ALDH3A2: variants seen among roughly 807,000 people sequenced by gnomAD.
ALDH3A2 encodes aldehyde dehydrogenase family 3 member A2.
A neutral mutation model predicts 51.3 loss-of-function variants in ALDH3A2; 36 were observed. The observed-to-expected ratio is 0.70, with a 90% CI of 0.54 to 0.93. The LOEUF (loss-of-function observed/expected upper bound fraction) is 0.93, where lower values mean the gene tolerates loss of function less well. ALDH3A2 is among the 40% of genes least tolerant of loss of function. The pLI, the probability that ALDH3A2 is intolerant of heterozygous loss-of-function variation, is 0.00. For missense variants in ALDH3A2, 552 were observed against 603.1 expected (o/e 0.92, Z 0.89); for synonymous variants, 199 against 219.8 (o/e 0.91, Z 0.84).
At chr17:19,661,573 A>G (rs2084967003) in intron 6 of ALDH3A2, 4 of 331,938 alleles carry the variant, frequency 1.2e-5, no homozygotes, top group Non-Finnish European at 2.2e-5. Context: ...TAGTTTGTGG[A>G]TGGGAAAACA....
intron 8 of ALDH3A2, among the ~76,000 whole-genome samples, chr17:19,666,293 CTG>C (rs2085037002): frequency 6.6e-6 from 1 of 152,226 alleles, no homozygotes; most frequent in African/African-American, 2.4e-5. Context: ...AGATTGGACT[CTG>C]TTGTCTCTGT....
intron 8 of ALDH3A2, among the ~76,000 whole-genome samples, chr17:19,666,949 A>G (rs2085046779): frequency 6.6e-6 from 1 of 151,916 alleles, no homozygotes; most frequent in African/African-American, 2.4e-5. Flanking sequence ...TATAGTGGCC[A>G]TGCTGTAAAA....
At chr17:19,668,104 C>T (rs1359043683) in intron 8 of ALDH3A2, among the ~76,000 whole-genome samples, 2 of 151,842 alleles carry the variant, frequency 1.3e-5, no homozygotes, top group Non-Finnish European at 2.9e-5. Context: ...CTATTTATGT[C>T]CTTTGATATT....
intron 6 of ALDH3A2, chr17:19,661,883 TTA>T (rs2084971076): frequency 6.6e-6 from 1 of 151,460 alleles, no homozygotes; most frequent in East Asian, 2.0e-4. Flanking sequence ...AAAATCAACT[TTA>T]AAAAAAAAAA....
Position 19,671,848 on chromosome 17 carries a change from G to A in ALDH3A2, c.1335G>A (p.Gln445=), listed in dbSNP as rs1229211184. The A allele has an allele frequency of 6.2e-7, 1 of 1,614,094 alleles. No homozygotes were observed. Among genetic ancestry groups the A allele is most frequent in the African/African-American group, 1.3e-5 (1 of 74,936 alleles). Residue 445 remains glutamine, a synonymous_variant, in exon 9 of 10, where the codon CAG becomes CAA. Coordinates refer to ENST00000176643, the MANE Select transcript of ALDH3A2 (RefSeq NM_000382.3). Reference sequence around the variant, plus strand: ...AACTCAGATATCCTCCCAACAGCCAGTCAAAGGTGGATTGGGGAAAATTTT... The same window carrying A: ...AACTCAGATATCCTCCCAACAGCCAATCAAAGGTGGATTGGGGAAAATTTT... ...ANKLRYPPNS[Q]SKVDWGKFFL... is the part of the protein sequence containing the mutation.
At position 19,665,046 on chromosome 17, in the gene ALDH3A2, G is replaced by C. The variant is rs773830324; in HGVS notation, c.1206G>C (p.Val402=). The change falls in exon 8 of 10, where the codon GTG becomes GTC. Residue 402 remains valine, a splice_region_variant and synonymous_variant. Transcript: ENST00000176643. ...TCAACTCTTTCCCATTTGGAGGAGT[G>C]GGTGAGTCTTATTTTCTCCTGCTTG... The part of the protein sequence containing the change: ...FTLNSFPFGG[V]GSSGMGAYHG... 1.2e-6 allele frequency: 2 copies of C among 1,612,396 alleles called. No homozygotes were observed. Among genetic ancestry groups the C allele is most frequent in the Non-Finnish European group, 1.7e-6 (2 of 1,178,478 alleles).
chr17:19,673,134 C>A (rs771687223), intron 9 of ALDH3A2: 1 of 1,614,136 alleles, frequency 6.2e-7, no homozygotes, highest in Non-Finnish European at 8.5e-7. Context: ...CATTTGAAAT[C>A]ATTTGGGTTT....
Position 19,651,885 on chromosome 17 carries a change from GCCTTTGTT to G in ALDH3A2, c.385+108_385+115del, listed in dbSNP as rs1487004606. On this transcript the variant is annotated intron_variant, in intron 2 of 9. Coordinates refer to ENST00000176643, the MANE Select transcript of ALDH3A2 (RefSeq NM_000382.3). ...ATTAAATACATTTACTTGGTGATTTGCCTTTGTTTACACCACCAGTGTACTGAGAATTC... is the reference window on the plus strand; with the variant it reads ...ATTAAATACATTTACTTGGTGATTTGTACACCACCAGTGTACTGAGAATTC... 323 of 1,067,128 alleles carry G rather than the reference GCCTTTGTT, an allele frequency of 3.0e-4. 2 individuals are homozygous for G. The East Asian group carries it at 7.8e-3, about 26-fold the overall frequency. The allele number at this position is 1,067,128 out of a possible 1,614,324, so 66.1% of individuals were successfully genotyped here.
At chr17:19,665,761 C>G (rs1030261993) in intron 8 of ALDH3A2, among the ~76,000 whole-genome samples, 1 of 152,146 alleles carries the variant, frequency 6.6e-6, no homozygotes, top group Non-Finnish European at 1.5e-5. Flanking sequence ...GTGGGCTTTT[C>G]TACTCTCTAC....
In ALDH3A2 at chr17:19,676,487, CTA is replaced by C; in HGVS notation, c.*917_*918del. Reference sequence around the variant, plus strand: ...TGGACAACACAGTGAGACCTCATCTCTATCAAAAAATAAAAATTAGCTAGATG... The same window carrying C: ...TGGACAACACAGTGAGACCTCATCTCTCAAAAAATAAAAATTAGCTAGATG... On this transcript the variant is annotated 3_prime_UTR_variant, in exon 10 of 10. Transcript: ENST00000176643. The C allele has an allele frequency of 6.6e-6, 1 of 152,118 alleles. No individual in the cohort carries two copies. Among genetic ancestry groups the C allele is most frequent in the East Asian group, 1.9e-4 (1 of 5,196 alleles). 9.4% of individuals were successfully genotyped at this position (152,118 alleles called of 1,614,324 possible).
intron 8 of ALDH3A2, among the ~76,000 whole-genome samples, chr17:19,668,326 C>T (rs898115628): frequency 6.6e-6 from 1 of 152,106 alleles, no homozygotes; most frequent in African/African-American, 2.4e-5. Context: ...CGGTTCATTG[C>T]AACCTCTGAC....
intron 9 of ALDH3A2, chr17:19,673,380 A>G (rs555297461): frequency 6.7e-5 from 92 of 1,372,194 alleles, no homozygotes; most frequent in African/African-American, 1.8e-4. Context: ...TTTTGTTTTT[A>G]TTTTTGTTTT....
At position 19,656,481 on chromosome 17, in the gene ALDH3A2, C is replaced by T; in HGVS notation, c.587C>T (p.Ala196Val). 1 of 1,614,168 alleles carries T rather than the reference C, an allele frequency of 6.2e-7. No individual in the cohort carries two copies. Among genetic ancestry groups the T allele is most frequent in the South Asian group, 1.1e-5 (1 of 91,078 alleles). Reference protein sequence around the residue: ...NTAVGKIVMEAAAKHLTPVTL... With the variant: ...NTAVGKIVMEVAAKHLTPVTL... ...GCGGTTGGCAAAATTGTCATGGAAG[C>T]TGCTGCCAAGCATCTGACCCCTGTG... Residue 196 changes from alanine (A) to valine (V), a missense_variant, in exon 4 of 10, where the codon GCT becomes GTT. Ala to Val is a moderately conservative substitution (Grantham distance 64). Transcript: ENST00000176643.
intron 8 of ALDH3A2, among the ~76,000 whole-genome samples, chr17:19,665,803 C>G (rs1418988165): frequency 6.6e-6 from 1 of 152,172 alleles, no homozygotes; most frequent in African/African-American, 2.4e-5. Context: ...GATATGTAAA[C>G]ATTCTCATAA....
intron 1 of ALDH3A2, among the ~76,000 whole-genome samples, chr17:19,650,903 CTTTTAGAG>C (rs2084806637): frequency 6.6e-6 from 1 of 152,072 alleles, no homozygotes; most frequent in African/African-American, 2.4e-5. Flanking sequence ...TATGAAATTT[CTTTTAGAG>C]TACTTTTGGT....
In ALDH3A2 at chr17:19,660,829, T is replaced by C. The variant is rs537471025; in HGVS notation, c.799-298T>C. Reference sequence around the variant, plus strand: ...ACTTCTTTCCCCAGCCTGCTCCCACTGTCAGCCCCAGGAGGTGAAGGCCTG... The same window carrying C: ...ACTTCTTTCCCCAGCCTGCTCCCACCGTCAGCCCCAGGAGGTGAAGGCCTG... On this transcript the variant is annotated intron_variant, in intron 5 of 9. Transcript: ENST00000176643. 4.6e-5 allele frequency among the ~76,000 whole-genome samples: 7 copies of C among 152,346 alleles called. No homozygotes were observed. The East Asian group carries it at 1.2e-3, about 25-fold the overall frequency.
intron 2 of ALDH3A2, among the ~76,000 whole-genome samples, chr17:19,651,986 GGGGAATGAACCTGT>G (rs2084822495): frequency 6.6e-6 from 1 of 152,124 alleles, no homozygotes; most frequent in African/African-American, 2.4e-5. Context: ...TGAAGCACCT[GGGGAATGAACCTGT>G]GGGAGTGTAA....
chr17:19,663,182 C>G, intron 6 of ALDH3A2, 151 bp from the exon 7 acceptor site: 1 of 844,918 alleles, frequency 1.2e-6, no homozygotes, highest in Non-Finnish European at 1.9e-6. Flanking sequence ...AGTATGTGCA[C>G]AGTTCATCCA....
At chr17:19,651,472 T>C (rs2084813275) in intron 1 of ALDH3A2, 75 bp from the exon 2 acceptor site, 1 of 1,196,438 alleles carries the variant, frequency 8.4e-7, no homozygotes, top group Non-Finnish European at 1.2e-6. Flanking sequence ...GTGTACCTGG[T>C]GTGAGTGTTC....
Sources: gnomAD v4.1 joint callset for allele counts (sites outside exome capture counted in the v4.1 genomes callset) on GRCh38, gnomAD v4.1.1 for gene constraint, MANE v1.5 for transcripts, NCBI Gene and HGNC (gene_info 2026-07-23, HGNC 2026-07-21) for gene names.